The following GABRB1 variants were observed in gnomAD, a reference collection of about 807,000 sequenced individuals.
The protein encoded by GABRB1 is gamma-aminobutyric acid type A receptor subunit beta1, also known as gamma-aminobutyric acid receptor subunit beta-1.
In GABRB1, 17 loss-of-function variants were observed where a neutral mutation model predicts 51.6. That is an observed-to-expected ratio of 0.33 (90% CI 0.23 to 0.49). GABRB1 has a LOEUF of 0.49. Among genes scored for constraint, GABRB1 ranks in the 20% least tolerant of loss-of-function variants. The pLI is 0.99. For missense variants in GABRB1, 410 were observed against 600.6 expected, an observed-to-expected ratio of 0.68 and a Z score of 3.32; for synonymous variants, 247 against 218.9, an observed-to-expected ratio of 1.13 and a Z score of -1.14.
intron 1 of GABRB1, among the ~76,000 whole-genome samples, chr4:47,003,197 T>A (rs1477623317): frequency 6.6e-6 from 1 of 152,208 alleles, no homozygotes; most frequent in Non-Finnish European, 1.5e-5. Flanking sequence ...TACCCTTTTC[T>A]ATTTTATCTA....
At chr4:47,338,274 T>A (rs1725768887) in intron 5 of GABRB1, among the ~76,000 whole-genome samples, 1 of 152,218 alleles carries the variant, frequency 6.6e-6, no homozygotes, top group African/African-American at 2.4e-5. Context: ...ATGTTTCTGA[T>A]TCTTTCATCT....
At chr4:47,020,397 G>A (rs1724896589) in intron 1 of GABRB1, among the ~76,000 whole-genome samples, 1 of 152,030 alleles carries the variant, frequency 6.6e-6, no homozygotes. Context: ...TTCCAACCAA[G>A]GCCTCTTCCT....
chr4:47,194,089 T>G (rs2109787067), intron 4 of GABRB1, among the ~76,000 whole-genome samples: 1 of 152,372 alleles, frequency 6.6e-6, no homozygotes, highest in South Asian at 2.1e-4. Context: ...GTTTATGTTT[T>G]GACTGTAGCA....
At chr4:47,250,344 T>C (rs552573640) in intron 4 of GABRB1, among the ~76,000 whole-genome samples, 138 of 152,304 alleles carry the variant, frequency 9.1e-4, no homozygotes, top group African/African-American at 2.8e-3. Flanking sequence ...AGATTTTCCT[T>C]TATAGGTTAC....
intron 5 of GABRB1, among the ~76,000 whole-genome samples, chr4:47,349,595 C>T (rs1219036340): frequency 6.6e-6 from 1 of 152,190 alleles, no homozygotes; most frequent in African/African-American, 2.4e-5. Context: ...TGAATCATCC[C>T]TTTGTCCGGT....
chr4:47,112,439 G>A (rs573050015), intron 3 of GABRB1, among the ~76,000 whole-genome samples: 28 of 152,268 alleles, frequency 1.8e-4, no homozygotes, highest in Admixed American at 1.1e-3. Context: ...TTACTATATA[G>A]CAGAAAGTGA....
intron 3 of GABRB1, among the ~76,000 whole-genome samples, chr4:47,077,928 A>G (rs1481355436): frequency 1.6e-5 from 2 of 127,642 alleles, no homozygotes; most frequent in Non-Finnish European, 3.2e-5. Context: ...TATTTTATAT[A>G]TATTATATAT....
chr4:47,031,771 T>A, intron 1 of GABRB1, 40 bp downstream of exon 1: 1 of 1,568,228 alleles, frequency 6.4e-7, no homozygotes, highest in Non-Finnish European at 8.8e-7. Flanking sequence ...TCTCTCTCTC[T>A]CTCTTTTTTT....
Position 47,154,004 on chromosome 4 carries a change from A to G in GABRB1, c.241-7245A>G, listed in dbSNP as rs554786727. On this transcript the variant is annotated intron_variant, in intron 3 of 8. Coordinates refer to ENST00000295454, the MANE Select transcript of GABRB1 (RefSeq NM_000812.4). ...ACTAAGGAATAAGCACAACAAACACATATTAATAGTTAACATAACACTAGA... is the reference window on the plus strand; with the variant it reads ...ACTAAGGAATAAGCACAACAAACACGTATTAATAGTTAACATAACACTAGA... Among the ~76,000 whole-genome samples the G allele has an allele frequency of 3.3e-5, 5 of 152,216 alleles. No homozygotes were observed. The East Asian group carries it at 9.7e-4, about 29-fold the overall frequency.
At chr4:47,072,624 T>C (rs566889529) in intron 3 of GABRB1, among the ~76,000 whole-genome samples, 51 of 152,302 alleles carry the variant, frequency 3.3e-4, no homozygotes, top group African/African-American at 1.2e-3. Context: ...TATCTGGAAA[T>C]TTAAGTTTGC....
chr4:47,382,394 T>C (rs912221748), intron 5 of GABRB1, among the ~76,000 whole-genome samples: 18 of 152,312 alleles, frequency 1.2e-4, no homozygotes, highest in Admixed American at 1.0e-3. Context: ...AGGTTGAGAA[T>C]CACTGTTGTA....
chr4:47,066,637 AT>A (rs1468289064), intron 3 of GABRB1, among the ~76,000 whole-genome samples: 2 of 152,212 alleles, frequency 1.3e-5, no homozygotes, highest in East Asian at 3.8e-4. Flanking sequence ...CTCCTCATCC[AT>A]CCAAGTTTTA....
At chr4:47,101,680 T>G (rs1173293484) in intron 3 of GABRB1, among the ~76,000 whole-genome samples, 1 of 152,014 alleles carries the variant, frequency 6.6e-6, no homozygotes, top group Non-Finnish European at 1.5e-5. Flanking sequence ...TGTTCTGCTT[T>G]CTGTAAGTGC....
At chr4:47,192,877 CAAT>C (rs970280055) in intron 4 of GABRB1, among the ~76,000 whole-genome samples, 1 of 152,068 alleles carries the variant, frequency 6.6e-6, no homozygotes, top group African/African-American at 2.4e-5. Flanking sequence ...ATCTTCATAA[CAAT>C]AATATGTTTG....
chr4:47,061,236 C>T (rs971982269), intron 3 of GABRB1, among the ~76,000 whole-genome samples: 8 of 151,364 alleles, frequency 5.3e-5, no homozygotes, highest in Admixed American at 3.9e-4. Context: ...TCTTTTTTTT[C>T]CCCCATCCAT....
chr4:47,395,896 A>G (rs1395601635), intron 5 of GABRB1, among the ~76,000 whole-genome samples: 2 of 151,874 alleles, frequency 1.3e-5, no homozygotes, highest in Admixed American at 6.6e-5. Flanking sequence ...TTGCAACATT[A>G]TTGTTCTGAA....
At chr4:47,168,232 C>T (rs1437776590) in intron 4 of GABRB1, among the ~76,000 whole-genome samples, 1 of 152,096 alleles carries the variant, frequency 6.6e-6, no homozygotes, top group African/African-American at 2.4e-5. Context: ...TACTGCAACA[C>T]TATGAGCTAT....
chr4:47,143,126 T>C (rs1717001662), intron 3 of GABRB1, among the ~76,000 whole-genome samples: 1 of 151,898 alleles, frequency 6.6e-6, no homozygotes, highest in African/African-American at 2.4e-5. Flanking sequence ...AGCAGCAGTA[T>C]TCTGGTATGA....
At chr4:47,415,521 G>A (rs930074636) in intron 8 of GABRB1, among the ~76,000 whole-genome samples, 3 of 152,042 alleles carry the variant, frequency 2.0e-5, no homozygotes, top group South Asian at 2.1e-4. Context: ...ATATTTTCAC[G>A]CAGAAGTCAA....
Sources: gnomAD v4.1 joint callset for allele counts (sites outside exome capture counted in the v4.1 genomes callset) on GRCh38, gnomAD v4.1.1 for gene constraint, MANE v1.5 for transcripts, NCBI Gene and HGNC (gene_info 2026-07-23, HGNC 2026-07-21) for gene names.